The following TBC1D22A variants were observed in gnomAD, a reference collection of about 807,000 sequenced individuals.
The protein encoded by TBC1D22A is TBC1 domain family member 22A.
A neutral mutation model predicts 60.2 loss-of-function variants in TBC1D22A; 38 were observed. That is an observed-to-expected ratio of 0.63 (90% CI 0.49 to 0.83). The LOEUF is 0.83. TBC1D22A is among the 40% of genes least tolerant of loss of function. The pLI, the probability that TBC1D22A is intolerant of heterozygous loss-of-function variation, is 0.00. For missense variants in TBC1D22A, 628 were observed against 701.0 expected (o/e 0.90, Z 1.18); for synonymous variants, 302 against 281.7 (o/e 1.07, Z -0.72).
intron 12 of TBC1D22A, among the ~76,000 whole-genome samples, chr22:47,131,312 G>T (rs1485242073): frequency 6.6e-6 from 1 of 152,224 alleles, no homozygotes; most frequent in East Asian, 1.9e-4. Context: ...TCCCTGGAGG[G>T]CAGTGTCCTC....
At chr22:47,163,555 G>C (rs139674847) in intron 12 of TBC1D22A, among the ~76,000 whole-genome samples, 2 of 152,206 alleles carry the variant, frequency 1.3e-5, no homozygotes, top group Non-Finnish European at 2.9e-5. Flanking sequence ...AGACGGGTGA[G>C]GTTGCAATGG....
chr22:46,793,555 C>T lies in TBC1D22A; in HGVS notation c.174C>T (p.Val58=). ...MPTTPVKAKR[V]STFQEFESNT... The stretch of plus-strand genomic sequence containing the variant: ...CCACACCAGTGAAGGCCAAGAGGGT[C>T]AGCACCTTCCAGGAGTTTGAGAGCA... Residue 58 remains valine (V), a synonymous_variant, in exon 3 of 13, where the codon GTC becomes GTT. Coordinates refer to ENST00000337137, the MANE Select transcript of TBC1D22A (RefSeq NM_014346.5). 6.2e-7 allele frequency: 1 copy of T among 1,614,178 alleles called. No individual in the cohort carries two copies. The highest frequency in any genetic ancestry group is 8.5e-7 in the Non-Finnish European group (1 of 1,180,052).
At chr22:47,008,941 G>T (rs2061667989) in intron 10 of TBC1D22A, among the ~76,000 whole-genome samples, 1 of 152,198 alleles carries the variant, frequency 6.6e-6, no homozygotes, top group African/African-American at 2.4e-5. Flanking sequence ...GGAGATTTTG[G>T]TTTGGGGACT....
At chr22:46,985,798 T>TC (rs2074700986) in intron 9 of TBC1D22A, among the ~76,000 whole-genome samples, 2 of 152,232 alleles carry the variant, frequency 1.3e-5, no homozygotes, top group South Asian at 4.1e-4. Flanking sequence ...AACACTGCGT[T>TC]CCCCACAGGG....
intron 11 of TBC1D22A, among the ~76,000 whole-genome samples, chr22:47,101,325 G>GA (rs1279852174): frequency 1.3e-5 from 2 of 152,224 alleles, no homozygotes; most frequent in Non-Finnish European, 2.9e-5. Context: ...CCCCAAACCA[G>GA]AGAAGAAGCA....
chr22:47,053,070 T>C (rs576496701), intron 11 of TBC1D22A, among the ~76,000 whole-genome samples: 1 of 152,312 alleles, frequency 6.6e-6, no homozygotes, highest in East Asian at 1.9e-4. Context: ...TCACTGTGTG[T>C]GAGTGCTGCC....
intron 4 of TBC1D22A, among the ~76,000 whole-genome samples, chr22:46,797,918 C>G (rs1022751507): frequency 3.3e-5 from 5 of 152,158 alleles, no homozygotes; most frequent in Non-Finnish European, 5.9e-5. Context: ...TGTTGCCTGG[C>G]TGGAGTGCAG....
intron 12 of TBC1D22A, among the ~76,000 whole-genome samples, chr22:47,148,448 G>A (rs887293011): frequency 6.6e-6 from 1 of 152,184 alleles, no homozygotes; most frequent in African/African-American, 2.4e-5. Context: ...AGAGAGTTTG[G>A]TGATCTTGGT....
intron 4 of TBC1D22A, among the ~76,000 whole-genome samples, chr22:46,871,249 C>G (rs1441810658): frequency 6.6e-6 from 1 of 152,136 alleles, no homozygotes; most frequent in Non-Finnish European, 1.5e-5. Context: ...GAGAAATAAA[C>G]AAGTTTACAA....
intron 10 of TBC1D22A, among the ~76,000 whole-genome samples, chr22:47,034,598 G>C (rs1168217164): frequency 6.6e-6 from 1 of 152,190 alleles, no homozygotes; most frequent in Admixed American, 6.5e-5. Flanking sequence ...CCCTGCAAGC[G>C]GGCCCCTGCG....
At chr22:46,776,981 C>T (rs1409401167) in intron 1 of TBC1D22A, among the ~76,000 whole-genome samples, 1 of 152,082 alleles carries the variant, frequency 6.6e-6, no homozygotes, top group Non-Finnish European at 1.5e-5. Context: ...AACCCTGGGG[C>T]AGCCGGTGCA....
At chr22:46,962,002 G>T (rs532823989) in intron 8 of TBC1D22A, among the ~76,000 whole-genome samples, 1 of 152,202 alleles carries the variant, frequency 6.6e-6, no homozygotes. Flanking sequence ...TGCAGATTTC[G>T]TCAGTGGCAG....
chr22:46,986,399 CAA>C (rs146693901), intron 9 of TBC1D22A, among the ~76,000 whole-genome samples: 11 of 123,312 alleles, frequency 8.9e-5, no homozygotes, highest in Admixed American at 8.2e-5. Flanking sequence ...CCACTTCCTA[CAA>C]AAAAAAAAAA....
At chr22:47,132,781 G>T (rs1481683448) in intron 12 of TBC1D22A, among the ~76,000 whole-genome samples, 1 of 152,230 alleles carries the variant, frequency 6.6e-6, no homozygotes, top group Admixed American at 6.5e-5. Context: ...CATCACGTTG[G>T]CTTGAAGGCG....
intron 10 of TBC1D22A, among the ~76,000 whole-genome samples, chr22:47,011,175 C>T (rs573912053): frequency 2.4e-4 from 37 of 152,300 alleles, no homozygotes; most frequent in African/African-American, 7.2e-4. Context: ...TGGGTTGGTG[C>T]ACAGGAGAGA....
chr22:47,036,939 T>G, intron 10 of TBC1D22A, 132 bp from the exon 11 acceptor site: 2 of 989,524 alleles, frequency 2.0e-6, no homozygotes, highest in Non-Finnish European at 3.0e-6. Context: ...TCCTTGGGGG[T>G]TGTTGCTTGG....
At chr22:46,806,200 T>A (rs931834250) in intron 4 of TBC1D22A, among the ~76,000 whole-genome samples, 1 of 152,154 alleles carries the variant, frequency 6.6e-6, no homozygotes, top group Non-Finnish European at 1.5e-5. Flanking sequence ...GAGCGCTGTG[T>A]GGAAAACGTA....
intron 11 of TBC1D22A, among the ~76,000 whole-genome samples, chr22:47,096,869 T>C (rs2065200183): frequency 6.6e-6 from 1 of 152,236 alleles, no homozygotes; most frequent in South Asian, 2.1e-4. Flanking sequence ...CTTTGTGTCC[T>C]GAAGTGTTGT....
chr22:47,061,380 G>T (rs2063571550), intron 11 of TBC1D22A, among the ~76,000 whole-genome samples: 1 of 151,986 alleles, frequency 6.6e-6, no homozygotes, highest in Admixed American at 6.6e-5. Flanking sequence ...TCTCTCCTCT[G>T]CCTTGGTCGT....
Sources: gnomAD v4.1 joint callset for allele counts (sites outside exome capture counted in the v4.1 genomes callset) on GRCh38, gnomAD v4.1.1 for gene constraint, MANE v1.5 for transcripts, NCBI Gene and HGNC (gene_info 2026-07-23, HGNC 2026-07-21) for gene names.